The following LRRC37A2 variants were observed in gnomAD, a reference collection of about 807,000 sequenced individuals.
LRRC37A2 encodes the protein leucine-rich repeat-containing protein 37A2.
A neutral mutation model predicts 68.8 loss-of-function variants in LRRC37A2; 9 were observed. The observed-to-expected ratio is 0.13, with a 90% CI of 0.08 to 0.23. LRRC37A2 has a LOEUF of 0.23. Ranked by LOEUF, LRRC37A2 falls within the 10% of genes least tolerant of loss-of-function variation. The pLI is 1.00. For synonymous variants in LRRC37A2, 63 were observed against 367.6 expected (o/e 0.17, Z 9.48); for missense variants, 168 against 950.4 (o/e 0.18, Z 10.82).
At chr17:46,923,496 C>G in the LRRC37A2 span, 6 of 1,383,002 alleles carry the variant, frequency 4.3e-6, no homozygotes, top group South Asian at 1.1e-4. Flanking sequence ...TGACGGGAAA[C>G]TGGCACCTGC....
the LRRC37A2 span, among the ~76,000 whole-genome samples, chr17:46,855,063 C>G: frequency 6.6e-6 from 1 of 151,642 alleles, no homozygotes; most frequent in Non-Finnish European, 1.5e-5. Flanking sequence ...ATCTGAAGGT[C>G]AGAAAGGTTC....
the LRRC37A2 span, among the ~76,000 whole-genome samples, chr17:46,759,363 G>A: frequency 5.2e-3 from 791 of 152,326 alleles, 10 homozygotes; most frequent in African/African-American, 0.018. Flanking sequence ...TGTGCTGGAC[G>A]GGCACCATGG....
At chr17:46,851,567 G>C in the LRRC37A2 span, 1 of 857,388 alleles carries the variant, frequency 1.2e-6, no homozygotes, top group Non-Finnish European at 1.5e-6. This position sits in a 1 kb window ranked among gnomAD's most constrained non-coding sequence, Gnocchi z 4.3. Flanking sequence ...AAAGTCCCGC[G>C]GGCGGGTGGT....
chr17:46,687,327 G>T, the LRRC37A2 span, among the ~76,000 whole-genome samples: 1 of 147,174 alleles, frequency 6.8e-6, no homozygotes, highest in South Asian at 2.2e-4. Context: ...TGTATATCTT[G>T]TTCTCTATTT....
the LRRC37A2 span, chr17:46,773,628 C>T: frequency 2.3e-6 from 1 of 435,286 alleles, no homozygotes; most frequent in South Asian, 1.8e-5. Context: ...ATCCCTCCCC[C>T]CACCCAGCCC....
chr17:46,723,751 C>G, the LRRC37A2 span, among the ~76,000 whole-genome samples: 1 of 152,220 alleles, frequency 6.6e-6, no homozygotes. Flanking sequence ...TCTCTAGATT[C>G]TGTCCACTTA....
the LRRC37A2 span, among the ~76,000 whole-genome samples, chr17:46,882,031 C>T: frequency 8.7e-4 from 133 of 152,232 alleles, no homozygotes; most frequent in African/African-American, 3.0e-3. Context: ...AGGTTCACAC[C>T]CATAATCCCA....
At chr17:46,934,819 A>G in the LRRC37A2 span, among the ~76,000 whole-genome samples, 1 of 152,212 alleles carries the variant, frequency 6.6e-6, no homozygotes, top group Non-Finnish European at 1.5e-5. Context: ...ACTCATTTGG[A>G]GAGTGACAGA....
the LRRC37A2 span, chr17:46,923,603 AG>A: frequency 7.9e-7 from 1 of 1,271,118 alleles, no homozygotes; most frequent in Non-Finnish European, 9.9e-7. Flanking sequence ...CCCTGGCCGT[AG>A]GAGTGTACTG....
the LRRC37A2 span, among the ~76,000 whole-genome samples, chr17:47,020,610 T>G: frequency 2.0e-5 from 3 of 149,684 alleles, no homozygotes; most frequent in Admixed American, 2.0e-4. Context: ...AAACCCCATC[T>G]CTACTAAAAA....
chr17:46,860,972 C>T, the LRRC37A2 span, among the ~76,000 whole-genome samples: 1 of 152,200 alleles, frequency 6.6e-6, no homozygotes, highest in African/African-American at 2.4e-5. Flanking sequence ...AGTCCTCCTG[C>T]CTCTGCCTTC....
chr17:46,739,821 C>T, the LRRC37A2 span, among the ~76,000 whole-genome samples: 3 of 151,892 alleles, frequency 2.0e-5, no homozygotes, highest in Non-Finnish European at 4.4e-5. Context: ...GCCTCAGCCT[C>T]CCAAGTAGCT....
At chr17:46,704,632 A>G in the LRRC37A2 span, 1 of 1,109,080 alleles carries the variant, frequency 9.0e-7, no homozygotes, top group Non-Finnish European at 1.2e-6. Context: ...GTTTGCAAAT[A>G]TTTCAGATTT....
the LRRC37A2 span, chr17:46,923,571 G>C: frequency 7.6e-7 from 1 of 1,313,410 alleles, no homozygotes; most frequent in Non-Finnish European, 9.7e-7. Context: ...CTCGAGAGGA[G>C]ACACGGAGTA....
intron 2 of LRRC37A2, among the ~76,000 whole-genome samples, chr17:46,516,214 A>G (rs2051277203): frequency 6.9e-6 from 1 of 144,152 alleles, no homozygotes; most frequent in African/African-American, 2.5e-5. Context: ...GAGGCAGGAG[A>G]ATGGCATGAA....
the LRRC37A2 span, among the ~76,000 whole-genome samples, chr17:46,409,322 G>T: frequency 1.3e-4 from 19 of 144,982 alleles, no homozygotes; most frequent in Non-Finnish European, 2.4e-4. Context: ...TTTAAGACAG[G>T]GTCTCGTTCT....
chr17:46,851,760 C>A, the LRRC37A2 span: 4 of 1,026,202 alleles, frequency 3.9e-6, no homozygotes, highest in Non-Finnish European at 5.0e-6. This position sits in a 1 kb window ranked among gnomAD's most constrained non-coding sequence, Gnocchi z 4.3. Flanking sequence ...GCCTGCCTGT[C>A]TCTCCCTCCT....
the LRRC37A2 span, among the ~76,000 whole-genome samples, chr17:46,869,623 A>C: frequency 6.6e-6 from 1 of 152,260 alleles, no homozygotes; most frequent in East Asian, 1.9e-4. Context: ...CACATGTCAG[A>C]GGTCATAATC....
the LRRC37A2 span, among the ~76,000 whole-genome samples, chr17:47,023,612 C>G: frequency 6.6e-6 from 1 of 151,980 alleles, no homozygotes; most frequent in East Asian, 1.9e-4. Context: ...TTTATTTTTT[C>G]AGATGGAATT....
Sources: gnomAD v4.1 joint callset for allele counts (sites outside exome capture counted in the v4.1 genomes callset) on GRCh38, gnomAD v4.1.1 for gene constraint, Gnocchi (gnomAD v3.1) non-coding constraint, MANE v1.5 for transcripts, NCBI Gene and HGNC (gene_info 2026-07-23, HGNC 2026-07-21) for gene names.